SLC9A9: variants seen among roughly 807,000 people sequenced by gnomAD.
SLC9A9 encodes sodium/hydrogen exchanger 9.
A neutral mutation model predicts 77.8 loss-of-function variants in SLC9A9; 62 were observed. That is an observed-to-expected ratio of 0.80 (90% CI 0.65 to 0.98). SLC9A9 has a LOEUF of 0.98. Ranked by LOEUF, SLC9A9 falls within the 50% of genes least tolerant of loss-of-function variation. The pLI is 0.00. For synonymous variants in SLC9A9, 320 were observed against 283.5 expected, an observed-to-expected ratio of 1.13 and a Z score of -1.29; for missense variants, 775 against 774.9, an observed-to-expected ratio of 1.00 and a Z score of 0.00.
chr3:143,413,312 C>T (rs1186374804), intron 12 of SLC9A9, among the ~76,000 whole-genome samples: 1 of 152,122 alleles, frequency 6.6e-6, no homozygotes, highest in Non-Finnish European at 1.5e-5. Flanking sequence ...GGGGGAAATG[C>T]CTCTGACACT....
At chr3:143,766,016 G>T (rs2007301749) in intron 4 of SLC9A9, among the ~76,000 whole-genome samples, 1 of 152,176 alleles carries the variant, frequency 6.6e-6, no homozygotes, top group African/African-American at 2.4e-5. Flanking sequence ...CAAATATTAG[G>T]CACATGAATG....
intron 7 of SLC9A9, among the ~76,000 whole-genome samples, chr3:143,575,514 T>C (rs58311212): frequency 0.058 from 8,787 of 151,340 alleles, 369 homozygotes; most frequent in South Asian, 0.099. Context: ...AATTTTTGGT[T>C]TTTTTTGGTA....
At position 143,423,220 on chromosome 3, in the gene SLC9A9, C is replaced by T. The variant is rs1220247038; in HGVS notation, c.1470-41106G>A. 5.6e-4 allele frequency among the ~76,000 whole-genome samples: 31 copies of T among 55,002 alleles called. No individual in the cohort carries two copies. The East Asian group carries it at 0.013, about 23-fold the overall frequency. 36.1% of individuals were successfully genotyped at this position (55,002 alleles called of 152,430 possible). A position where few individuals can be genotyped will look rare whatever the true frequency, so the allele number is the denominator to read the frequency against. ...CTACTTACCCTCACACACACGTACA[C>T]ACACACACACGTGTACACACGCGCG... On this transcript the variant is annotated intron_variant, in intron 12 of 15. Coordinates refer to ENST00000316549, the MANE Select transcript of SLC9A9 (RefSeq NM_173653.4).
intron 6 of SLC9A9, among the ~76,000 whole-genome samples, chr3:143,606,685 C>T (rs1042285754): frequency 6.6e-6 from 1 of 150,398 alleles, no homozygotes; most frequent in Non-Finnish European, 1.5e-5. Context: ...AAACCATAGG[C>T]AATAAAATTG....
At chr3:143,755,010 T>G (rs180743449) in intron 4 of SLC9A9, among the ~76,000 whole-genome samples, 50 of 152,316 alleles carry the variant, frequency 3.3e-4, no homozygotes, top group African/African-American at 1.1e-3. Flanking sequence ...AAATGGTAAT[T>G]ATCAGCCTGT....
At chr3:143,780,976 T>TCAAAATACATCCCC (rs1560076245) in intron 4 of SLC9A9, among the ~76,000 whole-genome samples, 1 of 152,200 alleles carries the variant, frequency 6.6e-6, no homozygotes, top group Non-Finnish European at 1.5e-5. Flanking sequence ...CAGAAAGTAC[T>TCAAAATACATCCCC]CAAAATACAT....
rs764399429 is a variant in SLC9A9, at chr3:143,448,016, G to A, written c.1469+19021C>T. Among the ~76,000 whole-genome samples the A allele has an allele frequency of 3.9e-5, 6 of 152,176 alleles. No homozygotes were observed. The East Asian group carries it at 1.2e-3, about 29-fold the overall frequency. On this transcript the variant is annotated intron_variant, in intron 12 of 15. Coordinates refer to ENST00000316549, the MANE Select transcript of SLC9A9 (RefSeq NM_173653.4). ...TGAATGAATGAAGGAAAGAATGGGGGATGGAGGATGGCATTTTCAAAGGCA... is the reference window on the plus strand; with the variant it reads ...TGAATGAATGAAGGAAAGAATGGGGAATGGAGGATGGCATTTTCAAAGGCA...
In SLC9A9 at chr3:143,501,178, A is replaced by C. The variant is rs970443637; in HGVS notation, c.1090-5730T>G. 7.3e-5 allele frequency among the ~76,000 whole-genome samples: 11 copies of C among 150,766 alleles called. 1 individual carries two copies. Among genetic ancestry groups the C allele is most frequent in the African/African-American group, 7.5e-5 (3 of 40,156 alleles). ...TGGAAACAAATATCCATAATATAAG[A>C]AATAGTTAAATAAATTATAGTATAA... is the stretch of plus-strand genomic sequence containing the variant. On this transcript the variant is annotated intron_variant, in intron 9 of 15. Transcript: ENST00000316549.
intron 4 of SLC9A9, among the ~76,000 whole-genome samples, chr3:143,721,126 G>C (rs1397486205): frequency 6.6e-6 from 1 of 152,130 alleles, no homozygotes; most frequent in African/African-American, 2.4e-5. Context: ...GCAGAAGTGG[G>C]AAGATCCCTC....
At chr3:143,458,617 C>G (rs716748) in intron 12 of SLC9A9, among the ~76,000 whole-genome samples, 79,144 of 151,788 alleles carry the variant, frequency 0.52, 21,160 homozygotes, top group Non-Finnish European at 0.58. Flanking sequence ...GGTTGATCTA[C>G]AAATTACAGT....
At chr3:143,435,535 A>AC (rs2034606692) in intron 12 of SLC9A9, among the ~76,000 whole-genome samples, 1 of 152,252 alleles carries the variant, frequency 6.6e-6, no homozygotes, top group African/African-American at 2.4e-5. Flanking sequence ...TTACTGACTC[A>AC]TTACAGAAAA....
chr3:143,436,272 C>A (rs1199359357), intron 12 of SLC9A9, among the ~76,000 whole-genome samples: 3 of 152,216 alleles, frequency 2.0e-5, no homozygotes, highest in Non-Finnish European at 4.4e-5. Context: ...CACCGCATGA[C>A]CTCCTTCTCA....
chr3:143,321,508 A>C (rs2031418559), intron 14 of SLC9A9, among the ~76,000 whole-genome samples: 1 of 152,144 alleles, frequency 6.6e-6, no homozygotes, highest in African/African-American at 2.4e-5. Flanking sequence ...CACCCCCATG[A>C]ATACTACCAG....
At chr3:143,334,697 T>C (rs1170951299) in intron 14 of SLC9A9, among the ~76,000 whole-genome samples, 4 of 152,220 alleles carry the variant, frequency 2.6e-5, no homozygotes, top group African/African-American at 9.6e-5. Flanking sequence ...TAAAGTGACC[T>C]GAGTCATTTT....
At chr3:143,420,146 C>G (rs534004174) in intron 12 of SLC9A9, among the ~76,000 whole-genome samples, 2 of 152,322 alleles carry the variant, frequency 1.3e-5, no homozygotes, top group African/African-American at 4.8e-5. Context: ...TCTGGAGTCT[C>G]TTGCACATTG....
chr3:143,286,273 G>C (rs1938379260), intron 14 of SLC9A9, among the ~76,000 whole-genome samples: 1 of 152,190 alleles, frequency 6.6e-6, no homozygotes, highest in Non-Finnish European at 1.5e-5. Context: ...GGTAGGAAGG[G>C]GTGGGGGTCT....
At chr3:143,293,137 T>A (rs2030089218) in intron 14 of SLC9A9, among the ~76,000 whole-genome samples, 1 of 152,192 alleles carries the variant, frequency 6.6e-6, no homozygotes, top group South Asian at 2.1e-4. Flanking sequence ...TTATATCAAT[T>A]CATAAATAAA....
rs180713245 is a variant in SLC9A9 at position 143,343,929 on chromosome 3, T to C, written c.1604+19555A>G. Among the ~76,000 whole-genome samples the C allele has an allele frequency of 1.3e-4, 20 of 152,324 alleles. No homozygotes were observed. In the East Asian group the frequency reaches 3.5e-3, roughly 26 times the overall value. ...GTTATGGCTGAAATAGTGGTTTACC[T>C]ATCAAATCCATGTAACTCCCAGAAT... On this transcript the variant is annotated intron_variant, in intron 14 of 15. Transcript: ENST00000316549.
At chr3:143,395,978 G>A (rs954056527) in intron 12 of SLC9A9, among the ~76,000 whole-genome samples, 1 of 152,218 alleles carries the variant, frequency 6.6e-6, no homozygotes, top group African/African-American at 2.4e-5. Flanking sequence ...TGGAAAAATA[G>A]GAACACTTTT....
Sources: allele counts gnomAD v4.1 joint callset (sites outside exome capture counted in the v4.1 genomes callset), GRCh38; gene constraint gnomAD v4.1.1; transcripts MANE v1.5; gene names NCBI Gene and HGNC (gene_info 2026-07-23, HGNC 2026-07-21).